Variants in HYDIN observed in about 807,000 individuals in gnomAD.
HYDIN encodes axonemal central pair apparatus protein HYDIN.
A neutral mutation model predicts 403.9 loss-of-function variants in HYDIN; 132 were observed. The observed-to-expected ratio is 0.33, with a 90% CI of 0.28 to 0.38. The LOEUF (loss-of-function observed/expected upper bound fraction) is 0.38, where lower values mean the gene tolerates loss of function less well. Among genes scored for constraint, HYDIN ranks in the 10% least tolerant of loss-of-function variants. The pLI, the probability that HYDIN is intolerant of heterozygous loss-of-function variation, is 1.00. For synonymous variants in HYDIN, 1,202 were observed against 1,891.7 expected (o/e 0.64, Z 9.46); for missense variants, 2,827 against 5,009.5 (o/e 0.56, Z 13.15).
intron 10 of HYDIN, among the ~76,000 whole-genome samples, chr16:71,107,483 AC>A (rs1314973437): frequency 1.3e-4 from 20 of 151,358 alleles, no homozygotes; most frequent in African/African-American, 4.6e-4. Flanking sequence ...TAAGAAAAAA[AC>A]AAACAATCCT....
intron 45 of HYDIN, among the ~76,000 whole-genome samples, chr16:70,922,334 G>A (rs2077019682): frequency 6.6e-6 from 1 of 152,270 alleles, no homozygotes; most frequent in South Asian, 2.1e-4. Context: ...ACTTGTACTT[G>A]CAAGACTGTG....
At chr16:71,066,810 G>A in intron 15 of HYDIN, 1 of 458,324 alleles carries the variant, frequency 2.2e-6, no homozygotes. Context: ...TCATCTTGGG[G>A]GCCCACTCCT....
chr16:70,891,112 A>C (rs2041438094), intron 57 of HYDIN, among the ~76,000 whole-genome samples: 1 of 152,192 alleles, frequency 6.6e-6, no homozygotes, highest in Non-Finnish European at 1.5e-5. Context: ...GAAATCTATG[A>C]AACCTGGAGT....
chr16:70,969,492 A>T (rs904880494), intron 36 of HYDIN, among the ~76,000 whole-genome samples: 1 of 151,666 alleles, frequency 6.6e-6, no homozygotes, highest in Non-Finnish European at 1.5e-5. Flanking sequence ...ATTTCAAGGG[A>T]TGAAAGAACT....
chr16:70,863,545 C>A (rs1279238182), intron 67 of HYDIN, among the ~76,000 whole-genome samples: 1 of 152,096 alleles, frequency 6.6e-6, no homozygotes, highest in Non-Finnish European at 1.5e-5. Context: ...GGAACAAATT[C>A]TACAGGCCCT....
In HYDIN at chr16:71,227,588, C is replaced by T. The variant is rs374582683; in HGVS notation, c.-24+2974G>A. ...AATTGCTTCAAAGAGAATAAAATAC[C>T]TAGGAATCCACCTTACAAGGGATGT... On this transcript the variant is annotated intron_variant, in intron 1 of 85. Coordinates refer to ENST00000393567, the MANE Select transcript of HYDIN (RefSeq NM_001270974.2). 3.3e-5 allele frequency among the ~76,000 whole-genome samples: 5 copies of T among 152,174 alleles called. No homozygotes were observed. The South Asian group carries it at 1.0e-3, about 32-fold the overall frequency.
At chr16:71,016,969 A>T (rs1448179260) in intron 23 of HYDIN, among the ~76,000 whole-genome samples, 1 of 150,926 alleles carries the variant, frequency 6.6e-6, no homozygotes, top group Non-Finnish European at 1.5e-5. Flanking sequence ...ATGAGAGGTG[A>T]TTGGATCACG....
intron 18 of HYDIN, among the ~76,000 whole-genome samples, chr16:71,042,795 C>T (rs1188879770): frequency 6.6e-6 from 1 of 152,178 alleles, no homozygotes; most frequent in Non-Finnish European, 1.5e-5. Context: ...ACAAATCTCT[C>T]CTGGAGCTGC....
At chr16:71,200,023 C>T (rs1300563281) in intron 1 of HYDIN, among the ~76,000 whole-genome samples, 1 of 152,070 alleles carries the variant, frequency 6.6e-6, no homozygotes, top group Non-Finnish European at 1.5e-5. Flanking sequence ...GTAAAGAAGC[C>T]GGCTAAAGCC....
intron 1 of HYDIN, among the ~76,000 whole-genome samples, chr16:71,216,620 T>C (rs528015267): frequency 6.6e-6 from 1 of 152,362 alleles, no homozygotes; most frequent in Non-Finnish European, 1.5e-5. Context: ...ATGTGTTTCA[T>C]ACATTTACGT....
chr16:70,992,234 T>C (rs537098966), intron 23 of HYDIN, 24 bp from the exon 24 acceptor site: 31 of 1,539,116 alleles, frequency 2.0e-5, no homozygotes, highest in African/African-American at 2.8e-5. Context: ...GGACAGGGAA[T>C]AGGGGGAGAC....
At chr16:70,953,433 C>T (rs2078133349) in intron 40 of HYDIN, among the ~76,000 whole-genome samples, 1 of 152,014 alleles carries the variant, frequency 6.6e-6, no homozygotes, top group African/African-American at 2.4e-5. Flanking sequence ...GCTCCCTGTC[C>T]AGCAGGGCTC....
intron 11 of HYDIN, 115 bp downstream of exon 11, chr16:71,093,702 A>C (rs1455697393): frequency 1.1e-5 from 13 of 1,173,654 alleles, no homozygotes; most frequent in Non-Finnish European, 8.1e-6. Context: ...AAGGATGAGT[A>C]ACGGCGAATA....
intron 42 of HYDIN, among the ~76,000 whole-genome samples, chr16:70,942,064 G>C (rs1327977567): frequency 8.1e-6 from 1 of 123,794 alleles, no homozygotes; most frequent in African/African-American, 3.1e-5. Flanking sequence ...TCACTCCAGC[G>C]CCCAGGCTGG....
At chr16:70,828,562 C>T (rs2036746188) in intron 81 of HYDIN, 133 bp from the exon 82 acceptor site, 2 of 513,274 alleles carry the variant, frequency 3.9e-6, no homozygotes, top group East Asian at 3.4e-5. Flanking sequence ...TTGAAGACAT[C>T]TTGGTGATAT....
Position 70,847,614 on chromosome 16 carries a change from T to C in HYDIN, c.12873+2112A>G, listed in dbSNP as rs181929173. Among the ~76,000 whole-genome samples, 82 of 152,226 alleles carry C rather than the reference T, an allele frequency of 5.4e-4. 1 individual carries two copies. The East Asian group carries it at 0.015, about 28-fold the overall frequency. On this transcript the variant is annotated intron_variant, in intron 75 of 85. Transcript: ENST00000393567. ...TTTTACTAGATATAAAATTCCTTGT[T>C]GATAATTTTTTTTTTTCAGCACGTT...
At chr16:71,168,036 G>A (rs1347467816) in intron 5 of HYDIN, among the ~76,000 whole-genome samples, 4 of 151,998 alleles carry the variant, frequency 2.6e-5, no homozygotes, top group Non-Finnish European at 4.4e-5. Flanking sequence ...GTATACATCC[G>A]GCTGGGCACA....
intron 20 of HYDIN, among the ~76,000 whole-genome samples, chr16:71,026,190 G>A (rs371755124): frequency 4.6e-5 from 7 of 152,408 alleles, no homozygotes; most frequent in Admixed American, 1.3e-4. Flanking sequence ...GTGAGCCACC[G>A]TGCCCGGCCA....
chr16:71,107,356 A>G (rs2144429177), intron 10 of HYDIN, among the ~76,000 whole-genome samples: 1 of 152,052 alleles, frequency 6.6e-6, no homozygotes, highest in East Asian at 1.9e-4. Context: ...TGCACAGCAA[A>G]AGAAACTATG....
Sources: allele counts gnomAD v4.1 joint callset (sites outside exome capture counted in the v4.1 genomes callset), GRCh38; gene constraint gnomAD v4.1.1; transcripts MANE v1.5; gene names NCBI Gene and HGNC (gene_info 2026-07-23, HGNC 2026-07-21).